Variants in CTDSPL observed in about 807,000 individuals in gnomAD.
CTDSPL encodes the protein CTD small phosphatase-like protein.
Under a neutral mutation model 30.5 loss-of-function variants are expected in CTDSPL, and 8 were observed. The observed-to-expected ratio is 0.26, with a 90% CI of 0.15 to 0.47. The LOEUF (loss-of-function observed/expected upper bound fraction) is 0.47. CTDSPL is among the 20% of genes least tolerant of loss of function. CTDSPL has a pLI of 0.99. For missense variants in CTDSPL, 248 were observed against 366.1 expected (o/e 0.68, Z 2.63); for synonymous variants, 110 against 137.9 (o/e 0.80, Z 1.42).
intron 1 of CTDSPL, among the ~76,000 whole-genome samples, chr3:37,922,906 C>G (rs190990857): frequency 1.1e-4 from 16 of 152,324 alleles, no homozygotes; most frequent in Admixed American, 6.5e-4. Flanking sequence ...GGCATTCTGG[C>G]CTGTGGATGT....
Position 37,900,795 on chromosome 3 carries a change from TTTA to T in CTDSPL, c.79+38532_79+38534del, listed in dbSNP as rs1012926316. On this transcript the variant is annotated intron_variant, in intron 1 of 7. Transcript: ENST00000273179. Reference sequence around the variant, plus strand: ...GTCCTTAGAGAACATAATACTTATTTTTATTATTATTATTATTTTTTTAGACGA... The same window carrying T: ...GTCCTTAGAGAACATAATACTTATTTTTATTATTATTATTTTTTTAGACGA... Among the ~76,000 whole-genome samples the T allele has an allele frequency of 2.2e-3, 338 of 152,126 alleles. 1 individual carries two copies. Among genetic ancestry groups the T allele is most frequent in the African/African-American group, 7.9e-3 (327 of 41,506 alleles).
intron 1 of CTDSPL, among the ~76,000 whole-genome samples, chr3:37,929,611 C>T (rs1000822310): frequency 1.3e-5 from 2 of 152,174 alleles, no homozygotes; most frequent in African/African-American, 4.8e-5. Context: ...AGAAGCAGAT[C>T]TGTCTTTTGC....
chr3:37,970,129 T>C (rs1699350566), intron 5 of CTDSPL, among the ~76,000 whole-genome samples: 1 of 152,216 alleles, frequency 6.6e-6, no homozygotes, highest in South Asian at 2.1e-4. Context: ...GGCTACTCTC[T>C]AGCTTCTCAA....
intron 1 of CTDSPL, among the ~76,000 whole-genome samples, chr3:37,888,044 T>C (rs562184170): frequency 5.8e-4 from 89 of 152,166 alleles, no homozygotes; most frequent in Non-Finnish European, 1.1e-3. Flanking sequence ...TCTGAAAAGA[T>C]GTGTGAGTGT....
rs62239979 is a variant in CTDSPL, at chr3:37,911,145, C to T, written c.80-35912C>T. On this transcript the variant is annotated intron_variant, in intron 1 of 7. Coordinates refer to ENST00000273179, the MANE Select transcript of CTDSPL (RefSeq NM_001008392.2). ...CTTAATGCCCTTGCTTCCTTCAAAA[C>T]AGTTCTCATAAAAGATTGACTTGGT... Among the ~76,000 whole-genome samples, 444 of 152,368 alleles carry T rather than the reference C, an allele frequency of 2.9e-3. 2 individuals are homozygous for T. The highest frequency in any genetic ancestry group is 5.4e-3 in the Admixed American group (82 of 15,310).
intron 1 of CTDSPL, among the ~76,000 whole-genome samples, chr3:37,888,747 C>T (rs923249743): frequency 1.3e-5 from 2 of 152,230 alleles, no homozygotes; most frequent in African/African-American, 4.8e-5. Context: ...TAGCATCATC[C>T]TCATCTCCTA....
intron 1 of CTDSPL, among the ~76,000 whole-genome samples, chr3:37,926,263 A>G (rs1698780501): frequency 6.6e-6 from 1 of 152,194 alleles, no homozygotes; most frequent in South Asian, 2.1e-4. Context: ...AGCAGGAGCT[A>G]GTCAGAGATC....
At chr3:37,923,333 G>C (rs1698739563) in intron 1 of CTDSPL, among the ~76,000 whole-genome samples, 2 of 152,102 alleles carry the variant, frequency 1.3e-5, no homozygotes, top group African/African-American at 4.8e-5. Context: ...CTCTTCTTTT[G>C]GGAAACCCTG....
intron 1 of CTDSPL, among the ~76,000 whole-genome samples, chr3:37,946,482 C>G (rs545499188): frequency 1.3e-5 from 2 of 152,354 alleles, no homozygotes; most frequent in South Asian, 4.1e-4. Flanking sequence ...CAGGCCCCCA[C>G]CAACTTCTTG....
chr3:37,869,529 C>T (rs34980583), intron 1 of CTDSPL, among the ~76,000 whole-genome samples: 39,032 of 151,990 alleles, frequency 0.26, 5,793 homozygotes, highest in African/African-American at 0.4. Context: ...TCCCTGAAGT[C>T]CTTCACATAG....
At chr3:37,967,952 T>C in intron 5 of CTDSPL, 70 bp downstream of exon 5, 1 of 1,037,146 alleles carries the variant, frequency 9.6e-7, no homozygotes, top group South Asian at 1.4e-5. Context: ...ATGAACTTTA[T>C]TTCTAAATTC....
chr3:37,896,838 C>T (rs1246038705), intron 1 of CTDSPL, among the ~76,000 whole-genome samples: 3 of 152,112 alleles, frequency 2.0e-5, no homozygotes, highest in Non-Finnish European at 4.4e-5. Context: ...CATGCCTGGC[C>T]AACATTCAGT....
At chr3:37,956,180 A>G (rs1256186640) in intron 2 of CTDSPL, among the ~76,000 whole-genome samples, 1 of 152,238 alleles carries the variant, frequency 6.6e-6, no homozygotes, top group African/African-American at 2.4e-5. Context: ...AAGTTGCTAA[A>G]TAGTTCTTAG....
chr3:37,880,833 C>T (rs1575279283), intron 1 of CTDSPL, among the ~76,000 whole-genome samples: 1 of 152,078 alleles, frequency 6.6e-6, no homozygotes, highest in Non-Finnish European at 1.5e-5. Flanking sequence ...TTCTTAGTTG[C>T]AAACCAGAGA....
At chr3:37,967,775 GA>G in intron 4 of CTDSPL, 50 bp from the exon 5 acceptor site, 1 of 1,373,642 alleles carries the variant, frequency 7.3e-7, no homozygotes. Context: ...AAAATTTCCA[GA>G]GTTTTTTTGT....
chr3:37,907,185 C>A (rs1212905098), intron 1 of CTDSPL, among the ~76,000 whole-genome samples: 1 of 152,148 alleles, frequency 6.6e-6, no homozygotes, highest in Middle Eastern at 3.2e-3. Flanking sequence ...CAAAATCATG[C>A]CATCAAACTG....
At chr3:37,883,804 T>C (rs973710225) in intron 1 of CTDSPL, among the ~76,000 whole-genome samples, 6 of 152,258 alleles carry the variant, frequency 3.9e-5, no homozygotes, top group Non-Finnish European at 8.8e-5. Flanking sequence ...TCTTCTTGTA[T>C]TTGTTTTGAC....
rs141313507 is a variant in CTDSPL at position 37,875,064 on chromosome 3, G to A, written c.79+12786G>A. On this transcript the variant is annotated intron_variant, in intron 1 of 7. Transcript: ENST00000273179. ...TTTAAAAAATGGGGATGCATATTCA[G>A]TGCTTTATTTGAAATAAAACTAAGC... Among the ~76,000 whole-genome samples the A allele has an allele frequency of 2.0e-4, 30 of 152,246 alleles. No homozygotes were observed. In the East Asian group the frequency reaches 4.8e-3, roughly 24 times the overall value.
In CTDSPL at chr3:37,862,175, C is replaced by A; in HGVS notation, c.-25C>A. 1.8e-6 allele frequency: 2 copies of A among 1,117,068 alleles called. No individual in the cohort carries two copies. Among genetic ancestry groups the A allele is most frequent in the Non-Finnish European group, 2.2e-6 (2 of 914,092 alleles). The allele number at this position is 1,117,068 out of a possible 1,614,324, so 69.2% of individuals were successfully genotyped here. On this transcript the variant is annotated 5_prime_UTR_variant, in exon 1 of 8. Coordinates refer to ENST00000273179, the MANE Select transcript of CTDSPL (RefSeq NM_001008392.2). The surrounding 1 kb of genome is among the most constrained non-coding windows in gnomAD (Gnocchi z 4.3). Reference sequence around the variant, plus strand: ...CTTGGCTTGCGGGGGGCCGGGCCTGCGGGCGGCCGCCGCGCCGCGCACCCA... The same window carrying A: ...CTTGGCTTGCGGGGGGCCGGGCCTGAGGGCGGCCGCCGCGCCGCGCACCCA...
Sources: gnomAD v4.1 joint callset for allele counts (sites outside exome capture counted in the v4.1 genomes callset) on GRCh38, gnomAD v4.1.1 for gene constraint, Gnocchi (gnomAD v3.1) non-coding constraint, MANE v1.5 for transcripts, NCBI Gene and HGNC (gene_info 2026-07-23, HGNC 2026-07-21) for gene names.